Variants in NTRK3 observed in about 807,000 individuals in gnomAD.
NTRK3 encodes the protein neurotrophic receptor tyrosine kinase 3.
NTRK3 carries 24 observed loss-of-function variants against 91.7 expected under a neutral mutation model. The ratio of observed to expected loss-of-function variants is 0.26; its 90% CI spans 0.19 to 0.37. The LOEUF (loss-of-function observed/expected upper bound fraction) is 0.37, where lower values mean the gene tolerates loss of function less well. Among genes scored for constraint, NTRK3 ranks in the 10% least tolerant of loss-of-function variants. The probability of loss-of-function intolerance (pLI) is 1.00; values close to 1 mark genes in which losing one functional copy is unlikely to be tolerated. For missense variants in NTRK3, 880 were observed against 1,068.9 expected (o/e 0.82, Z 2.46); for synonymous variants, 483 against 404.0 (o/e 1.20, Z -2.34).
At chr15:88,019,841 C>A (rs547075058) in intron 14 of NTRK3, among the ~76,000 whole-genome samples, 1 of 152,218 alleles carries the variant, frequency 6.6e-6, no homozygotes. Context: ...TGATGATCAA[C>A]GTCTTAAGCC....
intron 14 of NTRK3, among the ~76,000 whole-genome samples, chr15:87,964,523 C>T (rs555133706): frequency 1.4e-4 from 21 of 151,900 alleles, no homozygotes; most frequent in Non-Finnish European, 2.6e-4. Context: ...ATAAAATTCA[C>T]CTATTTTAAT....
At chr15:88,199,024 C>T (rs539788967) in intron 3 of NTRK3, among the ~76,000 whole-genome samples, 3 of 152,244 alleles carry the variant, frequency 2.0e-5, no homozygotes, top group Admixed American at 6.5e-5. Flanking sequence ...ACAAGTAACA[C>T]TTCATAGAGC....
chr15:88,168,022 G>C (rs1309685726), intron 5 of NTRK3, among the ~76,000 whole-genome samples: 1 of 152,182 alleles, frequency 6.6e-6, no homozygotes, highest in Non-Finnish European at 1.5e-5. Flanking sequence ...AGCTCAAAAA[G>C]ATTAGATGAC....
At chr15:88,130,857 T>C (rs1597480801) in intron 10 of NTRK3, among the ~76,000 whole-genome samples, 1 of 152,142 alleles carries the variant, frequency 6.6e-6, no homozygotes, top group East Asian at 1.9e-4. Flanking sequence ...AGTGATGAAA[T>C]GTAATTCACA....
chr15:88,043,452 C>T (rs1336625563), intron 13 of NTRK3, among the ~76,000 whole-genome samples: 1 of 152,162 alleles, frequency 6.6e-6, no homozygotes, highest in Admixed American at 6.5e-5. Flanking sequence ...TGTAACTTTC[C>T]CCCAACTTCC....
At position 88,225,037 on chromosome 15, in the gene NTRK3, G is replaced by A. The variant is rs147446831; in HGVS notation, c.248+30869C>T. Among the ~76,000 whole-genome samples the A allele has an allele frequency of 4.5e-4, 68 of 152,316 alleles. No individual in the cohort carries two copies. In the Middle Eastern group the frequency reaches 0.01, roughly 23 times the overall value. ...TTATTTTCCCTTAGTAGTTAGTGAAGTTCTCTTCTTTTAAATGCCAGCCAC... is the reference window on the plus strand; with the variant it reads ...TTATTTTCCCTTAGTAGTTAGTGAAATTCTCTTCTTTTAAATGCCAGCCAC... On this transcript the variant is annotated intron_variant, in intron 3 of 18. Coordinates refer to ENST00000394480, the Ensembl canonical transcript of NTRK3.
Position 88,069,910 on chromosome 15 carries a change from A to G in NTRK3, c.1397-36865T>C, listed in dbSNP as rs1029871095. On this transcript the variant is annotated intron_variant, in intron 13 of 18. Transcript: ENST00000394480. ...CCTCCTCTCTGGCACTTGGAAAGTC[A>G]GAACTCACAGGTCGCTGTTGAGAGT... Among the ~76,000 whole-genome samples the G allele has an allele frequency of 3.9e-5, 6 of 152,212 alleles. No homozygotes were observed. In the South Asian group the frequency reaches 6.2e-4, roughly 16 times the overall value.
chr15:88,052,333 A>G (rs1369259033), intron 13 of NTRK3, among the ~76,000 whole-genome samples: 1 of 152,234 alleles, frequency 6.6e-6, no homozygotes, highest in African/African-American at 2.4e-5. Context: ...TGGTGAAAAT[A>G]GGAAGCTATG....
intron 14 of NTRK3, chr15:87,978,929 C>A (rs937685527): frequency 2.1e-5 from 7 of 327,432 alleles, no homozygotes; most frequent in Non-Finnish European, 4.0e-5. Flanking sequence ...GCCAGGGAGA[C>A]CCCACGCTTC....
chr15:88,149,211 C>T (rs180677560), intron 5 of NTRK3, among the ~76,000 whole-genome samples: 131 of 152,254 alleles, frequency 8.6e-4, no homozygotes, highest in African/African-American at 3.0e-3. Context: ...TCTCATTGGA[C>T]GCAGCCCTCT....
At position 87,923,762 on chromosome 15, in the gene NTRK3, G is replaced by C. The variant is rs901758496; in HGVS notation, c.2133+5429C>G. ...GTGTTGAGAGGTGAGACCTCTAACA[G>C]GTGATTAATCATGAGAGCTCTGCTC... On this transcript the variant is annotated intron_variant, in intron 17 of 18. Transcript: ENST00000394480. 7.2e-5 allele frequency among the ~76,000 whole-genome samples: 11 copies of C among 152,300 alleles called. 1 individual carries two copies. The South Asian group carries it at 2.3e-3, about 32-fold the overall frequency.
At chr15:88,001,366 C>A (rs2076087569) in intron 14 of NTRK3, among the ~76,000 whole-genome samples, 1 of 151,918 alleles carries the variant, frequency 6.6e-6, no homozygotes, top group African/African-American at 2.4e-5. Context: ...TATATTTTTT[C>A]TTTTGTTACT....
At chr15:87,916,871 C>T (rs996398727) in intron 17 of NTRK3, among the ~76,000 whole-genome samples, 61 of 151,890 alleles carry the variant, frequency 4.0e-4, no homozygotes, top group African/African-American at 1.4e-3. Context: ...AAGTGATTCT[C>T]CTGCCTCAGC....
chr15:87,938,731 C>T (rs2069528637), intron 15 of NTRK3, among the ~76,000 whole-genome samples: 1 of 152,136 alleles, frequency 6.6e-6, no homozygotes, highest in Non-Finnish European at 1.5e-5. Context: ...GCCGGAACAC[C>T]CCGTGGATTA....
intron 3 of NTRK3, among the ~76,000 whole-genome samples, chr15:88,232,974 G>C (rs1318982654): frequency 6.6e-6 from 1 of 152,200 alleles, no homozygotes; most frequent in Admixed American, 6.5e-5. Context: ...GGGCTGAGGG[G>C]GCACCTCCAC....
chr15:88,071,940 G>T (rs1437690633), intron 13 of NTRK3, among the ~76,000 whole-genome samples: 3 of 151,892 alleles, frequency 2.0e-5, no homozygotes, highest in Non-Finnish European at 4.4e-5. Flanking sequence ...CACAGTCCAT[G>T]GAGAATCCTG....
intron 14 of NTRK3, among the ~76,000 whole-genome samples, chr15:87,980,743 T>C (rs749662939): frequency 6.6e-6 from 1 of 152,138 alleles, no homozygotes; most frequent in Non-Finnish European, 1.5e-5. Flanking sequence ...TATTGAGTCA[T>C]TTGGGGTGCT....
Position 87,958,998 on chromosome 15 carries a change from C to T in NTRK3, c.1586-18245G>A, listed in dbSNP as rs373462767. ...CTTCACTGCCCCCACCCCCGCTCCCCGCCCCCCGCATTCCCTCTCCACTCT... is the reference window on the plus strand; with the variant it reads ...CTTCACTGCCCCCACCCCCGCTCCCTGCCCCCCGCATTCCCTCTCCACTCT... On this transcript the variant is annotated intron_variant, in intron 14 of 18. Transcript: ENST00000394480. Among the ~76,000 whole-genome samples the T allele has an allele frequency of 3.4e-3, 521 of 151,364 alleles. 2 individuals are homozygous for T. Among genetic ancestry groups the T allele is most frequent in the African/African-American group, 0.012 (479 of 41,172 alleles).
intron 13 of NTRK3, among the ~76,000 whole-genome samples, chr15:88,108,785 T>C (rs1041073330): frequency 3.9e-5 from 6 of 152,140 alleles, no homozygotes; most frequent in Admixed American, 1.3e-4. Context: ...AGCAGACCAA[T>C]AGGACCAGCC....
Sources: gnomAD v4.1 joint callset for allele counts (sites outside exome capture counted in the v4.1 genomes callset) on GRCh38, gnomAD v4.1.1 for gene constraint, MANE v1.5 for transcripts, NCBI Gene and HGNC (gene_info 2026-07-23, HGNC 2026-07-21) for gene names.